MAGI2: variants seen among roughly 807,000 people sequenced by gnomAD.
MAGI2 encodes the protein membrane-associated guanylate kinase, WW and PDZ domain-containing protein 2.
In MAGI2, 35 loss-of-function variants were observed where a neutral mutation model predicts 133.3. The ratio of observed to expected loss-of-function variants is 0.26; its 90% CI spans 0.20 to 0.35. The LOEUF (loss-of-function observed/expected upper bound fraction) is 0.35, where lower values mean the gene tolerates loss of function less well. MAGI2 is among the 10% of genes least tolerant of loss of function. The pLI is 1.00. For missense variants in MAGI2, 1,636 were observed against 1,863.4 expected (o/e 0.88, Z 2.25); for synonymous variants, 729 against 710.6 (o/e 1.03, Z -0.41).
At chr7:79,185,096 C>T (rs1201025539) in intron 1 of MAGI2, among the ~76,000 whole-genome samples, 1 of 151,822 alleles carries the variant, frequency 6.6e-6, no homozygotes, top group African/African-American at 2.4e-5. Flanking sequence ...GACAAGTACT[C>T]TGAGTGGATA....
chr7:78,484,673 AACT>A (rs1792786136), intron 6 of MAGI2: 1 of 111,958 alleles, frequency 8.9e-6, no homozygotes, highest in Non-Finnish European at 1.7e-5. Context: ...AAGGTAGGAT[AACT>A]ATTCTGAATT....
chr7:78,551,049 A>G (rs1487375239), intron 3 of MAGI2, among the ~76,000 whole-genome samples: 3 of 152,246 alleles, frequency 2.0e-5, no homozygotes, highest in Non-Finnish European at 4.4e-5. Flanking sequence ...AGTGAGTTGT[A>G]GAAGTTCAGA....
chr7:78,370,539 A>T (rs1393544841), intron 6 of MAGI2, among the ~76,000 whole-genome samples: 1 of 151,894 alleles, frequency 6.6e-6, no homozygotes, highest in Non-Finnish European at 1.5e-5. Flanking sequence ...CCTAGATGTG[A>T]AATTTTGGAT....
intron 3 of MAGI2, among the ~76,000 whole-genome samples, chr7:78,595,981 C>T (rs980256533): frequency 6.6e-6 from 1 of 152,050 alleles, no homozygotes; most frequent in Non-Finnish European, 1.5e-5. Context: ...AAGAAATATG[C>T]ATGAATTGGG....
intron 1 of MAGI2, among the ~76,000 whole-genome samples, chr7:79,251,453 A>G (rs111871458): frequency 7.0e-6 from 1 of 143,124 alleles, no homozygotes; most frequent in South Asian, 2.2e-4. Flanking sequence ...TCAAAAAAAA[A>G]GGGACATACA....
intron 1 of MAGI2, among the ~76,000 whole-genome samples, chr7:79,297,946 C>A (rs1837074893): frequency 6.6e-6 from 1 of 152,224 alleles, no homozygotes; most frequent in African/African-American, 2.4e-5. Context: ...TAAGGGAAAA[C>A]AACCATTTCT....
At chr7:78,035,575 G>A (rs1171722061) in intron 21 of MAGI2, among the ~76,000 whole-genome samples, 4 of 152,022 alleles carry the variant, frequency 2.6e-5, no homozygotes, top group Non-Finnish European at 2.9e-5. Context: ...AACGTCTCTC[G>A]GGTTCATTCC....
chr7:79,136,101 GAAA>G (rs1821520577), intron 1 of MAGI2, among the ~76,000 whole-genome samples: 4 of 150,332 alleles, frequency 2.7e-5, no homozygotes, highest in Non-Finnish European at 4.4e-5. Context: ...AAGAAAGAAA[GAAA>G]GAAAGAAAGA....
chr7:78,193,830 TAA>T (rs1393263665), intron 12 of MAGI2, among the ~76,000 whole-genome samples: 16 of 133,708 alleles, frequency 1.2e-4, no homozygotes, highest in Non-Finnish European at 2.5e-4. Flanking sequence ...CTTGCCATCC[TAA>T]CTATTTTTCA....
chr7:78,831,873 A>G (rs1290336778), intron 2 of MAGI2, among the ~76,000 whole-genome samples: 1 of 152,198 alleles, frequency 6.6e-6, no homozygotes, highest in Non-Finnish European at 1.5e-5. Flanking sequence ...CTGAAAAGAG[A>G]GTTATAATTT....
intron 1 of MAGI2, among the ~76,000 whole-genome samples, chr7:79,141,258 C>A (rs931961278): frequency 4.6e-5 from 7 of 152,124 alleles, no homozygotes. Context: ...CAAATGATTT[C>A]TTTGTTCCAG....
intron 2 of MAGI2, among the ~76,000 whole-genome samples, chr7:78,711,199 C>A (rs539150781): frequency 6.6e-6 from 1 of 152,234 alleles, no homozygotes; most frequent in South Asian, 2.1e-4. Flanking sequence ...AGGAAACATT[C>A]ATTGTCTATT....
rs538092693 is a variant in MAGI2, at chr7:78,387,907, C to T, written c.1046-18694G>A. 6.9e-4 allele frequency among the ~76,000 whole-genome samples: 104 copies of T among 151,424 alleles called. 1 individual carries two copies. The highest frequency in any genetic ancestry group is 2.2e-3 in the African/African-American group (92 of 41,230). On this transcript the variant is annotated intron_variant, in intron 6 of 21. Coordinates refer to ENST00000354212, the MANE Select transcript of MAGI2 (RefSeq NM_012301.4). ...CGCCACTGCACTCCAGCCTGGGCAA[C>T]GAAGTGAAACTCTGTCTCAAATAAA...
At chr7:78,531,191 G>GTTATAAATGTAA (rs1797437170) in intron 3 of MAGI2, among the ~76,000 whole-genome samples, 1 of 150,282 alleles carries the variant, frequency 6.7e-6, no homozygotes. Context: ...TTGCAATTGT[G>GTTATAAATGTAA]TTATTAATGT....
At chr7:79,220,896 A>AC (rs1442468002) in intron 1 of MAGI2, among the ~76,000 whole-genome samples, 2 of 152,128 alleles carry the variant, frequency 1.3e-5, no homozygotes, top group Admixed American at 1.3e-4. Context: ...AAAAAGACTC[A>AC]CCTGAAGAGA....
rs201573989 is a variant in MAGI2 at position 79,289,882 on chromosome 7, AT to A, written c.301+163137del. On this transcript the variant is annotated intron_variant, in intron 1 of 21. Coordinates refer to ENST00000354212, the MANE Select transcript of MAGI2 (RefSeq NM_012301.4). The stretch of plus-strand genomic sequence containing the variant: ...ATCTGTCTTAGAATTGTAAAAAAAA[AT>A]TTAAAAAATAAAAAGTAATTTTGAA... 5.1e-4 allele frequency among the ~76,000 whole-genome samples: 78 copies of A among 152,022 alleles called. 1 individual carries two copies. In the Middle Eastern group the frequency reaches 0.01, roughly 20 times the overall value.
intron 2 of MAGI2, among the ~76,000 whole-genome samples, chr7:78,889,586 A>G (rs1333721307): frequency 6.6e-6 from 1 of 152,254 alleles, no homozygotes; most frequent in Admixed American, 6.5e-5. Flanking sequence ...ACATTCTTAA[A>G]GAAAAGAATT....
intron 21 of MAGI2, among the ~76,000 whole-genome samples, chr7:78,032,377 G>A (rs62461161): frequency 0.12 from 18,798 of 151,976 alleles, 1,444 homozygotes; most frequent in Middle Eastern, 0.2. Context: ...AACACACCTG[G>A]GTAGCTTCTG....
chr7:78,438,723 G>T (rs1255736168), intron 6 of MAGI2, among the ~76,000 whole-genome samples: 2 of 152,092 alleles, frequency 1.3e-5, no homozygotes, highest in African/African-American at 4.8e-5. Context: ...TGCACCTGTA[G>T]TTCTGCTTTG....
Sources: allele counts gnomAD v4.1 joint callset (sites outside exome capture counted in the v4.1 genomes callset), GRCh38; gene constraint gnomAD v4.1.1; transcripts MANE v1.5; gene names NCBI Gene and HGNC (gene_info 2026-07-23, HGNC 2026-07-21).